Variants in LYPD4 observed in about 807,000 individuals in gnomAD.
The protein encoded by LYPD4 is ly6/PLAUR domain-containing protein 4.
Under a neutral mutation model 18.2 loss-of-function variants are expected in LYPD4, and 20 were observed. The ratio of observed to expected loss-of-function variants is 1.10; its 90% confidence interval spans 0.77 to 1.59. The LOEUF is 1.59. Ranked by LOEUF, LYPD4 falls within the 40% of genes most tolerant of loss-of-function variation. The pLI, the probability that LYPD4 is intolerant of heterozygous loss-of-function variation, is 0.00. For missense variants in LYPD4, 278 were observed against 300.3 expected (o/e 0.93, Z 0.55); for synonymous variants, 111 against 118.3 (o/e 0.94, Z 0.40).
intron 1 of LYPD4, among the ~76,000 whole-genome samples, chr19:41,842,768 A>C (rs2073644009): frequency 2.1e-5 from 1 of 47,366 alleles, no homozygotes; most frequent in Non-Finnish European, 6.0e-5. Flanking sequence ...TCTAAACAAA[A>C]AAAAAAAAAA....
intron 4 of LYPD4, 65 bp from the exon 5 acceptor site, chr19:41,837,410 G>T: frequency 1.3e-6 from 2 of 1,563,636 alleles, no homozygotes; most frequent in Non-Finnish European, 1.8e-6. Context: ...CTTCAGCCAG[G>T]TGCAGTGGCT....
chr19:41,843,078 C>CAA (rs2073693023), intron 1 of LYPD4, among the ~76,000 whole-genome samples: 3 of 9,132 alleles, frequency 3.3e-4, no homozygotes, highest in Admixed American at 1.7e-3. Context: ...AAAAAAAAAA[C>CAA]CCCAACAACA....
intron 1 of LYPD4, among the ~76,000 whole-genome samples, chr19:41,842,807 T>C (rs1195401922): frequency 1.6e-5 from 2 of 121,692 alleles, no homozygotes; most frequent in African/African-American, 6.4e-5. Context: ...GTACACATCA[T>C]GACAGAATGA....
chr19:41,836,361 C>T (rs1158723278), downstream of LYPD4, among the ~76,000 whole-genome samples: 3 of 121,654 alleles, frequency 2.5e-5, no homozygotes, highest in Non-Finnish European at 5.0e-5. Context: ...TCTCAAGTCT[C>T]CAAATCTCTC....
chr19:41,840,580 C>T (rs1555833069), intron 1 of LYPD4, among the ~76,000 whole-genome samples: 1 of 152,140 alleles, frequency 6.6e-6, no homozygotes, highest in Admixed American at 6.6e-5. Flanking sequence ...CGCCTGTAAT[C>T]CCAGCACTTT....
At position 41,839,342 on chromosome 19, in the gene LYPD4, G is replaced by A. The variant is rs758900875; in HGVS notation, c.-57C>T. 44 of 1,523,648 alleles carry A rather than the reference G, an allele frequency of 2.9e-5. No homozygotes were observed. Among genetic ancestry groups the A allele is most frequent in the Non-Finnish European group, 4.0e-5 (44 of 1,097,738 alleles). The allele number at this position is 1,523,648 out of a possible 1,614,324, so 94.4% of individuals were successfully genotyped here. A position where few individuals can be genotyped will look rare whatever the true frequency, so the allele number is the denominator to read the frequency against. On this transcript the variant is annotated 5_prime_UTR_variant, in exon 2 of 5. Coordinates refer to ENST00000609812, the MANE Select transcript of LYPD4 (RefSeq NM_173506.7). ...TCAGTCTGGAATCAGTTTCAGTCTG[G>A]ATCCCAAGCTCAGTTCCCATCAGTC...
chr19:41,839,978 G>A (rs1255994208), intron 1 of LYPD4, among the ~76,000 whole-genome samples: 1 of 151,902 alleles, frequency 6.6e-6, no homozygotes, highest in Non-Finnish European at 1.5e-5. Flanking sequence ...GAACCCAGGA[G>A]GCGGAGGTTG....
intron 1 of LYPD4, among the ~76,000 whole-genome samples, chr19:41,840,553 C>G (rs1555833052): frequency 6.6e-6 from 1 of 152,118 alleles, no homozygotes; most frequent in Non-Finnish European, 1.5e-5. Flanking sequence ...ATATATACAG[C>G]CGGGCACAGT....
At chr19:41,837,860 C>T (rs1302982133) in intron 4 of LYPD4, 75 bp downstream of exon 4, 44 of 1,423,976 alleles carry the variant, frequency 3.1e-5, no homozygotes, top group Non-Finnish European at 3.9e-5. Context: ...CCACCAGCCT[C>T]TCTGAGATGT....
chr19:41,837,226 A>T lies in LYPD4; in HGVS notation c.658T>A (p.Ser220Thr), dbSNP rs781792594. ...GAGGATGCTGCACCAACAATCTGAGACTTCTCTAAGATGTTGAGGACCTCA... is the reference window on the plus strand; with the variant it reads ...GAGGATGCTGCACCAACAATCTGAGTCTTCTCTAAGATGTTGAGGACCTCA... ...VTEVLNILEK[S>T]QIVGAASSRQ... Residue 220 changes from serine to threonine, a missense_variant, in exon 5 of 5, where the codon TCT becomes ACT. Transcript: ENST00000609812. 5.6e-6 allele frequency: 9 copies of T among 1,614,058 alleles called. No homozygotes were observed. Among genetic ancestry groups the T allele is most frequent in the Non-Finnish European group, 7.6e-6 (9 of 1,179,962 alleles).
At chr19:41,835,688 C>G, downstream of LYPD4, 1 of 708,080 alleles carries the variant, frequency 1.4e-6, no homozygotes. Context: ...CCCAACCACC[C>G]CTTCCAGAAC....
chr19:41,838,017 ATCCTT>A lies in LYPD4; in HGVS notation c.451_455del (p.Lys151LeufsTer9). 4 of 1,614,124 alleles carry A rather than the reference ATCCTT, an allele frequency of 2.5e-6. No homozygotes were observed. Among genetic ancestry groups the A allele is most frequent in the Non-Finnish European group, 3.4e-6 (4 of 1,180,004 alleles). ...TAGTGGTGACAAAATTTGGGAGGCA[ATCCTT>A]CATGTGCTCGCCCACACAGGTCGGG... On this transcript the variant is annotated frameshift_variant, in exon 4 of 5. Transcript: ENST00000609812. LOFTEE classifies it high-confidence loss of function.
Position 41,838,031 on chromosome 19 carries a change from C to G in LYPD4, c.442G>C (p.Glu148Gln). Reference protein sequence around the residue: ...ASCSCPTCVGEHMKDCLPNFV... With the variant: ...ASCSCPTCVGQHMKDCLPNFV... ...TTTGGGAGGCAATCCTTCATGTGCT[C>G]GCCCACACAGGTCGGGCAGCTACAG... Residue 148 changes from glutamate to glutamine, a missense_variant, in exon 4 of 5, where the codon GAG (glutamate) becomes CAG (glutamine). Coordinates refer to ENST00000609812, the MANE Select transcript of LYPD4 (RefSeq NM_173506.7). 1 of 1,614,128 alleles carries G rather than the reference C, an allele frequency of 6.2e-7. No homozygotes were observed. The highest frequency in any genetic ancestry group is 8.5e-7 in the Non-Finnish European group (1 of 1,180,000).
chr19:41,836,181 A>G (rs1286656632), downstream of LYPD4, among the ~76,000 whole-genome samples: 4 of 151,284 alleles, frequency 2.6e-5, no homozygotes, highest in East Asian at 7.8e-4. Context: ...GGCCAGAGAA[A>G]AGAATCACAC....
Position 41,837,157 on chromosome 19 carries a change from C to A in LYPD4, c.727G>T (p.Ala243Ser), listed in dbSNP as rs781843081. ...AWGVVLGLLF[A>S]FRD ...CAGCTAGATGGTCAGTCCCTGAAGG[C>A]AAACAGGAGGCCTAAGACGACACCC... The change falls in exon 5 of 5, where the codon GCC becomes TCC. Residue 243 changes from alanine to serine, a missense_variant. Physicochemically the swap from Ala to Ser is moderately conservative, Grantham distance 99. Transcript: ENST00000609812. The A allele has an allele frequency of 4.3e-6, 7 of 1,613,896 alleles. No individual in the cohort carries two copies. The South Asian group carries it at 7.7e-5, about 18-fold the overall frequency.
rs144254654 is a variant in LYPD4 at position 41,837,844 on chromosome 19, T to A, written c.538+91A>T. On this transcript the variant is annotated intron_variant, in intron 4 of 4. Coordinates refer to ENST00000609812, the MANE Select transcript of LYPD4 (RefSeq NM_173506.7). ...TCCCTTGCAACCCCAATCCCATCTCTGGATCCCACCAGCCTCTCTGAGATG... is the reference window on the plus strand; with the variant it reads ...TCCCTTGCAACCCCAATCCCATCTCAGGATCCCACCAGCCTCTCTGAGATG... 6.5e-4 allele frequency: 872 copies of A among 1,344,572 alleles called. 3 individuals carry two copies. In the African/African-American group the frequency reaches 0.011, roughly 17 times the overall value. The allele number at this position is 1,344,572 out of a possible 1,614,324, so 83.3% of individuals were successfully genotyped here.
chr19:41,843,072 AAAAAAC>A lies in LYPD4; in HGVS notation c.-121+500_-121+505del, dbSNP rs2073690493. 2.5e-4 allele frequency among the ~76,000 whole-genome samples: 10 copies of A among 40,624 alleles called. 4 individuals are homozygous for A. Among genetic ancestry groups the A allele is most frequent in the Admixed American group, 7.1e-4 (2 of 2,812 alleles). 26.7% of individuals were successfully genotyped at this position (40,624 alleles called of 152,430 possible). On this transcript the variant is annotated intron_variant, in intron 1 of 4. Transcript: ENST00000609812. ...AAAAAAAAAAAAAAAAAAAAAAAAA[AAAAAAC>A]CCCAACAACAACACTACACACATCC...
In LYPD4 at chr19:41,838,968, A is replaced by G; in HGVS notation, c.124T>C (p.Phe42Leu). The G allele has an allele frequency of 6.2e-7, 1 of 1,613,960 alleles. No homozygotes were observed. Among genetic ancestry groups the G allele is most frequent in the Non-Finnish European group, 8.5e-7 (1 of 1,180,004 alleles). The change falls in exon 3 of 5, where the codon TTC becomes CTC. Residue 42 changes from phenylalanine (F) to leucine (L), a missense_variant. Transcript: ENST00000609812. ...ATCAGAAGCCACTTCCAGTTATGGA[A>G]AGCAACAGCTCTGAATCTTGAGGCT... ...ATASRFRAVA[F>L]HNWKWLLMRN...
At chr19:41,841,051 A>G (rs551749874) in intron 1 of LYPD4, among the ~76,000 whole-genome samples, 3 of 152,352 alleles carry the variant, frequency 2.0e-5, no homozygotes, top group East Asian at 3.9e-4. Flanking sequence ...GCAGAAATCA[A>G]TGAAATAGTA....
Sources: gnomAD v4.1 joint callset for allele counts (sites outside exome capture counted in the v4.1 genomes callset) on GRCh38, gnomAD v4.1.1 for gene constraint, MANE v1.5 for transcripts, NCBI Gene and HGNC (gene_info 2026-07-23, HGNC 2026-07-21) for gene names.